Variants in ZNF804B observed in about 807,000 individuals in gnomAD.
The protein encoded by ZNF804B is zinc finger 804B.
Under a neutral mutation model 101.4 loss-of-function variants are expected in ZNF804B, and 80 were observed. The ratio of observed to expected loss-of-function variants is 0.79; its 90% CI spans 0.66 to 0.95. ZNF804B has a LOEUF of 0.95. Among genes scored for constraint, ZNF804B ranks in the 40% least tolerant of loss-of-function variants. The pLI is 0.00. For synonymous variants in ZNF804B, 622 were observed against 558.8 expected (o/e 1.11, Z -1.59); for missense variants, 1,673 against 1,561.9 (o/e 1.07, Z -1.20).
chr7:89,240,886 G>T (rs1200100577), intron 2 of ZNF804B, among the ~76,000 whole-genome samples: 1 of 152,038 alleles, frequency 6.6e-6, no homozygotes, highest in African/African-American at 2.4e-5. Context: ...TTGTTTAAAA[G>T]ACACAATAGG....
intron 1 of ZNF804B, among the ~76,000 whole-genome samples, chr7:89,028,673 A>T (rs1032752028): frequency 6.6e-6 from 1 of 152,154 alleles, no homozygotes; most frequent in Non-Finnish European, 1.5e-5. Context: ...TCTTGAAATG[A>T]TTAAAATTAT....
At chr7:88,953,030 G>A (rs1391620117) in intron 1 of ZNF804B, among the ~76,000 whole-genome samples, 3 of 151,722 alleles carry the variant, frequency 2.0e-5, no homozygotes, top group Non-Finnish European at 2.9e-5. Flanking sequence ...GTTTCCTACC[G>A]CTGTAGACCA....
chr7:89,158,924 G>C (rs753493512), intron 1 of ZNF804B, among the ~76,000 whole-genome samples: 1 of 152,068 alleles, frequency 6.6e-6, no homozygotes, highest in East Asian at 1.9e-4. Context: ...AATAGTTTGA[G>C]AAAATATTTT....
At chr7:88,787,314 CA>C (rs1297979500) in intron 1 of ZNF804B, among the ~76,000 whole-genome samples, 1 of 152,032 alleles carries the variant, frequency 6.6e-6, no homozygotes, top group African/African-American at 2.4e-5. Flanking sequence ...TAATTTTGAT[CA>C]GGGGAATAAT....
chr7:89,220,141 G>GTGGATATACA (rs1788979851), intron 2 of ZNF804B, among the ~76,000 whole-genome samples: 4 of 81,324 alleles, frequency 4.9e-5, no homozygotes, highest in African/African-American at 1.6e-4. Flanking sequence ...ACATATATGT[G>GTGGATATACA]TGTATATACA....
At chr7:89,256,017 A>G (rs1789627165) in intron 2 of ZNF804B, among the ~76,000 whole-genome samples, 2 of 152,168 alleles carry the variant, frequency 1.3e-5, no homozygotes, top group Non-Finnish European at 2.9e-5. Flanking sequence ...TGCAAAAAGT[A>G]TTAAAAGCAC....
intron 1 of ZNF804B, among the ~76,000 whole-genome samples, chr7:89,048,729 A>G (rs1430050051): frequency 4.0e-5 from 6 of 151,898 alleles, no homozygotes; most frequent in Admixed American, 3.9e-4. Flanking sequence ...TTTGATTTAA[A>G]AAACTCATTT....
chr7:88,777,605 G>A (rs1300575535), intron 1 of ZNF804B, among the ~76,000 whole-genome samples: 1 of 152,128 alleles, frequency 6.6e-6, no homozygotes, highest in East Asian at 1.9e-4. Flanking sequence ...CACTTTGGGA[G>A]GCTAAGGTGG....
rs145177778 is a variant in ZNF804B, at chr7:89,165,888, T to A, written c.109-52267T>A. Among the ~76,000 whole-genome samples the A allele has an allele frequency of 5.9e-5, 9 of 152,286 alleles. No homozygotes were observed. In the East Asian group the frequency reaches 1.7e-3, roughly 29 times the overall value. On this transcript the variant is annotated intron_variant, in intron 1 of 3. Coordinates refer to ENST00000333190, the MANE Select transcript of ZNF804B (RefSeq NM_181646.5). Reference sequence around the variant, plus strand: ...TAAACAGAATCACTGCATCTCAATGTTGACCTATTGTATATCATACCATGT... The same window carrying A: ...TAAACAGAATCACTGCATCTCAATGATGACCTATTGTATATCATACCATGT...
At chr7:89,304,550 T>C (rs1790532576) in intron 2 of ZNF804B, among the ~76,000 whole-genome samples, 1 of 151,714 alleles carries the variant, frequency 6.6e-6, no homozygotes, top group East Asian at 1.9e-4. Flanking sequence ...TGTATGTGTG[T>C]GTCTATCTGT....
At chr7:89,272,158 G>A (rs1425762697) in intron 2 of ZNF804B, among the ~76,000 whole-genome samples, 1 of 151,958 alleles carries the variant, frequency 6.6e-6, no homozygotes, top group Non-Finnish European at 1.5e-5. Context: ...TAATGCTTCA[G>A]TATCTGCGCT....
At chr7:89,231,630 GTA>G (rs1789192747) in intron 2 of ZNF804B, among the ~76,000 whole-genome samples, 1 of 151,784 alleles carries the variant, frequency 6.6e-6, no homozygotes, top group African/African-American at 2.4e-5. Context: ...GAAATCTTGT[GTA>G]GTTTTTATTT....
chr7:89,229,868 A>G (rs910199366), intron 2 of ZNF804B, among the ~76,000 whole-genome samples: 12 of 152,190 alleles, frequency 7.9e-5, no homozygotes, highest in Non-Finnish European at 1.3e-4. Context: ...ATATGCTCTC[A>G]AATCACAATG....
chr7:89,121,320 C>G (rs935615731), intron 1 of ZNF804B, among the ~76,000 whole-genome samples: 2 of 152,074 alleles, frequency 1.3e-5, no homozygotes, highest in Non-Finnish European at 2.9e-5. Flanking sequence ...TCTATAAAGA[C>G]TGTATGTGAG....
chr7:89,319,518 C>T (rs1790786394), intron 2 of ZNF804B, among the ~76,000 whole-genome samples: 1 of 152,152 alleles, frequency 6.6e-6, no homozygotes, highest in Admixed American at 6.5e-5. Flanking sequence ...GACAAGAGCA[C>T]TGAGAAAGAT....
intron 1 of ZNF804B, among the ~76,000 whole-genome samples, chr7:88,801,437 A>G (rs544783509): frequency 6.6e-6 from 1 of 152,272 alleles, no homozygotes; most frequent in South Asian, 2.1e-4. Context: ...CTGTTTAGGA[A>G]GTTGCCCTGA....
chr7:89,176,586 TC>T (rs767295740), intron 1 of ZNF804B, among the ~76,000 whole-genome samples: 5,911 of 118,464 alleles, frequency 0.05, 286 homozygotes, highest in Middle Eastern at 0.072. Context: ...TTTCTTTCTT[TC>T]TTTCTTTTTT....
At chr7:88,954,528 C>T (rs1793273073) in intron 1 of ZNF804B, among the ~76,000 whole-genome samples, 1 of 146,256 alleles carries the variant, frequency 6.8e-6, no homozygotes, top group Non-Finnish European at 1.5e-5. Context: ...AATTAGCATG[C>T]TATAAGAGAA....
intron 1 of ZNF804B, among the ~76,000 whole-genome samples, chr7:88,966,779 C>T (rs994006221): frequency 1.3e-5 from 2 of 151,490 alleles, no homozygotes; most frequent in Non-Finnish European, 3.0e-5. Context: ...CACACAAACA[C>T]ACACAATACA....
Sources: allele counts gnomAD v4.1 joint callset (sites outside exome capture counted in the v4.1 genomes callset), GRCh38; gene constraint gnomAD v4.1.1; transcripts MANE v1.5; gene names NCBI Gene and HGNC (gene_info 2026-07-23, HGNC 2026-07-21).